The following SP1 variants were observed in gnomAD, a reference collection of about 807,000 sequenced individuals.
SP1 encodes transcription factor Sp1.
A neutral mutation model predicts 66.3 loss-of-function variants in SP1; 6 were observed. The ratio of observed to expected loss-of-function variants is 0.09; its 90% CI spans 0.05 to 0.18. The LOEUF (loss-of-function observed/expected upper bound fraction) is 0.18, where lower values mean the gene tolerates loss of function less well. SP1 is among the 10% of genes least tolerant of loss of function. SP1 has a pLI of 1.00. For missense variants in SP1, 848 were observed against 964.5 expected (o/e 0.88, Z 1.60); for synonymous variants, 417 against 360.8 (o/e 1.16, Z -1.77).
chr12:53,399,273 C>T (rs147428530), intron 3 of SP1, among the ~76,000 whole-genome samples: 1,593 of 152,098 alleles, frequency 0.01, 23 homozygotes, highest in African/African-American at 0.036. Context: ...CTTAGCCTCC[C>T]GAGTAGCTGG....
rs188040117 is a variant in SP1, at chr12:53,391,153, C to G, written c.1675+7531C>G. 2.3e-3 allele frequency among the ~76,000 whole-genome samples: 354 copies of G among 152,064 alleles called. 2 individuals carry two copies. Among genetic ancestry groups the G allele is most frequent in the African/African-American group, 7.8e-3 (325 of 41,478 alleles). On this transcript the variant is annotated intron_variant, in intron 3 of 5. Coordinates refer to ENST00000327443, the MANE Select transcript of SP1 (RefSeq NM_138473.3). Reference sequence around the variant, plus strand: ...AGCAAGCACATTATTTTTCATATTTCTTACAGAAAGTGTTACAATAGTATT... The same window carrying G: ...AGCAAGCACATTATTTTTCATATTTGTTACAGAAAGTGTTACAATAGTATT...
At chr12:53,409,602 A>G (rs757979312) in intron 5 of SP1, 41 bp downstream of exon 5, 2 of 1,516,048 alleles carry the variant, frequency 1.3e-6, no homozygotes, top group Admixed American at 3.4e-5. Flanking sequence ...GTAATAGACT[A>G]GAATGAAAAA....
At chr12:53,403,141 AGAATT>A (rs1417434948) in intron 3 of SP1, among the ~76,000 whole-genome samples, 1 of 152,042 alleles carries the variant, frequency 6.6e-6, no homozygotes, top group African/African-American at 2.4e-5. Flanking sequence ...AGAAAAAAAA[AGAATT>A]GGAAGGAAAG....
In SP1 at chr12:53,382,559, A is replaced by G; in HGVS notation, c.612A>G (p.Ile204Met). 6.2e-7 allele frequency: 1 copy of G among 1,614,162 alleles called. No homozygotes were observed. The highest frequency in any genetic ancestry group is 8.5e-7 in the Non-Finnish European group (1 of 1,180,010). ...TGCAGCAGGATGGTTCTGGTCAAAT[A>G]CAGATCATACCAGGTGCAAACCAAC... Reference protein sequence around the residue: ...AQVQQDGSGQIQIIPGANQQI... With the variant: ...AQVQQDGSGQMQIIPGANQQI... Residue 204 changes from isoleucine (I) to methionine (M), a missense_variant, in exon 3 of 6, where the codon ATA becomes ATG. Ile to Met is a conservative substitution (Grantham distance 10). This residue lies in a region of SP1 where 606 missense variants were observed against 589.9 expected (regional missense o/e 1.03). Transcript: ENST00000327443.
intron 2 of SP1, 134 bp downstream of exon 2, chr12:53,381,947 A>T (rs1938109730): frequency 8.3e-7 from 1 of 1,206,074 alleles, no homozygotes; most frequent in East Asian, 2.4e-5. Flanking sequence ...GAGAATGGAG[A>T]TCCCCAAAGA....
chr12:53,386,180 C>T (rs895503716), intron 3 of SP1, among the ~76,000 whole-genome samples: 6 of 151,966 alleles, frequency 3.9e-5, no homozygotes, highest in Admixed American at 1.3e-4. Flanking sequence ...ATATGAGCAT[C>T]CTAGGTGATT....
chr12:53,400,208 C>G (rs941361702), intron 3 of SP1, among the ~76,000 whole-genome samples: 1 of 152,232 alleles, frequency 6.6e-6, no homozygotes, highest in Non-Finnish European at 1.5e-5. Flanking sequence ...AATGTATGTA[C>G]TTTTCACCTC....
At chr12:53,388,509 A>G (rs1592558850) in intron 3 of SP1, among the ~76,000 whole-genome samples, 1 of 152,110 alleles carries the variant, frequency 6.6e-6, no homozygotes, top group Non-Finnish European at 1.5e-5. Flanking sequence ...GTAAGAGTTG[A>G]GATTGTTTGC....
chr12:53,396,864 A>C (rs1186915381), intron 3 of SP1, among the ~76,000 whole-genome samples: 1 of 152,116 alleles, frequency 6.6e-6, no homozygotes, highest in Non-Finnish European at 1.5e-5. Context: ...CTCGGGCTCA[A>C]GTGATCCTCC....
At chr12:53,381,518 C>T (rs1592553126) in intron 1 of SP1, 141 bp from the exon 2 acceptor site, 3 of 677,328 alleles carry the variant, frequency 4.4e-6, no homozygotes, top group African/African-American at 1.8e-5. Context: ...CTCCCCTCTG[C>T]CCTCCAATCC....
chr12:53,399,563 C>T (rs1938563436), intron 3 of SP1, among the ~76,000 whole-genome samples: 1 of 152,124 alleles, frequency 6.6e-6, no homozygotes, highest in South Asian at 2.1e-4. Context: ...GATCTCCTGA[C>T]CTTGTGATCC....
chr12:53,383,302 G>A lies in SP1; in HGVS notation c.1355G>A (p.Arg452Gln), dbSNP rs1283105028. 7 of 1,614,164 alleles carry A rather than the reference G, an allele frequency of 4.3e-6. No homozygotes were observed. The highest frequency in any genetic ancestry group is 2.2e-5 in the South Asian group (2 of 91,084). Residue 452 changes from arginine (R) to glutamine (Q), a missense_variant, in exon 3 of 6, where the codon CGG (arginine) becomes CAG (glutamine). Physicochemically the swap from Arg to Gln is conservative, Grantham distance 43. Around this residue, in one of 7 missense-constraint regions of SP1, gnomAD observed 606 missense variants for 589.9 expected, o/e 1.03. Coordinates refer to ENST00000327443, the MANE Select transcript of SP1 (RefSeq NM_138473.3). ...AVPNSGPIII[R>Q]TPTVGPNGQV... ...CCAAACTCTGGTCCCATCATCATCC[G>A]GACACCAACAGTGGGGCCCAATGGA...
At position 53,391,350 on chromosome 12, in the gene SP1, T is replaced by TTTTC. The variant is rs1212617672; in HGVS notation, c.1675+7731_1675+7732insCTTT. Among the ~76,000 whole-genome samples the TTTTC allele has an allele frequency of 2.1e-5, 3 of 144,306 alleles. No homozygotes were observed. The East Asian group carries it at 6.0e-4, about 29-fold the overall frequency. The allele number at this position is 144,306 out of a possible 152,430, so 94.7% of individuals were successfully genotyped here. On this transcript the variant is annotated intron_variant, in intron 3 of 5. Coordinates refer to ENST00000327443, the MANE Select transcript of SP1 (RefSeq NM_138473.3). Reference sequence around the variant, plus strand: ...CTTTTTTTTTTTAAGTAATGTCTTTTTTTTTTTTTTTTTTTTTGAGACGGA... The same window carrying TTTTC: ...CTTTTTTTTTTTAAGTAATGTCTTTTTTTCTTTTTTTTTTTTTTTTTGAGACGGA...
intron 3 of SP1, among the ~76,000 whole-genome samples, chr12:53,404,095 T>C (rs989357432): frequency 2.0e-5 from 3 of 149,108 alleles, no homozygotes; most frequent in Non-Finnish European, 4.5e-5. Context: ...GGCGTGAACC[T>C]GGGAGGCGGA....
rs1379877864 is a variant in SP1, at chr12:53,416,068, T to C, written c.*4828T>C. The C allele has an allele frequency of 6.6e-6, 1 of 152,608 alleles. No homozygotes were observed. The highest frequency in any genetic ancestry group is 1.5e-5 in the Non-Finnish European group (1 of 68,044). 9.5% of individuals were successfully genotyped at this position (152,608 alleles called of 1,614,324 possible). A position where few individuals can be genotyped will look rare whatever the true frequency, so the allele number is the denominator to read the frequency against. On this transcript the variant is annotated 3_prime_UTR_variant, in exon 6 of 6. Transcript: ENST00000327443. Reference sequence around the variant, plus strand: ...ATCTCTGGTGCCTAAAAACCCAAGTTTATTTCTCTCTTAACACTGGCAATA... The same window carrying C: ...ATCTCTGGTGCCTAAAAACCCAAGTCTATTTCTCTCTTAACACTGGCAATA...
In SP1 at chr12:53,406,718, A is replaced by C; in HGVS notation, c.1809A>C (p.Ala603=). 1 of 1,614,070 alleles carries C rather than the reference A, an allele frequency of 6.2e-7. No individual in the cohort carries two copies. Among genetic ancestry groups the C allele is most frequent in the Non-Finnish European group, 8.5e-7 (1 of 1,180,026 alleles). Residue 603 remains alanine (A), a synonymous_variant, in exon 4 of 6, where the codon GCA becomes GCC. Coordinates refer to ENST00000327443, the MANE Select transcript of SP1 (RefSeq NM_138473.3). ...CCGGTCGGAGGACCCGGCGGGAAGC[A>C]TGCACCTGCCCCTACTGTAAAGACA... The part of the protein sequence containing the change: ...PQAGRRTRRE[A]CTCPYCKDSE...
intron 5 of SP1, among the ~76,000 whole-genome samples, chr12:53,410,323 A>G (rs548207261): frequency 1.3e-5 from 2 of 152,086 alleles, no homozygotes; most frequent in South Asian, 4.2e-4. Context: ...AAAATAAAAT[A>G]AAATAAGGAG....
rs868256774 is a variant in SP1 at position 53,382,952 on chromosome 12, C to G, written c.1005C>G (p.Asn335Lys). ...NSYSTTTTTS[N>K]MGIMNFTTSG... is the part of the protein sequence containing the mutation. ...ACTCAACTACTACTACCACCAGCAA[C>G]ATGGGAATTATGAACTTTACTACCA... is the stretch of plus-strand genomic sequence containing the variant. Residue 335 changes from asparagine (N) to lysine (K), a missense_variant, in exon 3 of 6, where the codon AAC (asparagine) becomes AAG (lysine). Physicochemically the swap from Asn to Lys is moderately conservative, Grantham distance 94. Transcript: ENST00000327443. The G allele has an allele frequency of 1.2e-5, 19 of 1,614,142 alleles. 3 individuals carry two copies. In the Middle Eastern group the frequency reaches 3.1e-3, roughly 266 times the overall value.
At chr12:53,410,573 C>T (rs868534789) in intron 5 of SP1, among the ~76,000 whole-genome samples, 1 of 151,690 alleles carries the variant, frequency 6.6e-6, no homozygotes, top group Admixed American at 6.6e-5. Context: ...GGCGCGATCT[C>T]GGCTCACTGC....
Sources: gnomAD v4.1 joint callset for allele counts (sites outside exome capture counted in the v4.1 genomes callset) on GRCh38, gnomAD v4.1.1 for gene constraint, gnomAD v4.1.1 regional missense constraint, MANE v1.5 for transcripts, NCBI Gene and HGNC (gene_info 2026-07-23, HGNC 2026-07-21) for gene names.